NOP9: variants seen among roughly 807,000 people sequenced by gnomAD.
NOP9 encodes nucleolar protein 9.
Under a neutral mutation model 63.0 loss-of-function variants are expected in NOP9, and 50 were observed. That is an observed-to-expected ratio of 0.79 (90% CI 0.63 to 1.00). NOP9 has a LOEUF of 1.00. Ranked by LOEUF, NOP9 falls within the 50% of genes least tolerant of loss-of-function variation. The pLI is 0.00. For missense variants in NOP9, 758 were observed against 803.0 expected (o/e 0.94, Z 0.68); for synonymous variants, 343 against 332.8 (o/e 1.03, Z -0.33).
At chr14:24,292,557 C>T in the NOP9 span, 4 of 1,601,490 alleles carry the variant, frequency 2.5e-6, no homozygotes, top group South Asian at 2.2e-5. Context: ...GAGGAGCCAG[C>T]CTTACCATTC....
the NOP9 span, chr14:24,291,005 A>G: frequency 6.2e-7 from 1 of 1,613,970 alleles, no homozygotes; most frequent in Non-Finnish European, 8.5e-7. Context: ...CCTGGGAACA[A>G]CAGGAGGAGG....
the NOP9 span, chr14:24,291,296 G>A: frequency 9.5e-6 from 14 of 1,468,486 alleles, no homozygotes; most frequent in Non-Finnish European, 1.2e-5. Context: ...AGTTGGACAG[G>A]GCACTGCTGA....
chr14:24,273,145 C>G, the NOP9 span, among the ~76,000 whole-genome samples: 1 of 151,656 alleles, frequency 6.6e-6, no homozygotes, highest in Admixed American at 6.6e-5. Context: ...GTGTTTATAA[C>G]TCACACCTGG....
Position 24,305,609 on chromosome 14 carries a change from C to G in NOP9, c.*514C>G, listed in dbSNP as rs2041473580. The G allele has an allele frequency of 2.5e-6, 4 of 1,602,916 alleles. No individual in the cohort carries two copies. Among genetic ancestry groups the G allele is most frequent in the Admixed American group, 1.7e-5 (1 of 58,238 alleles). On this transcript the variant is annotated 3_prime_UTR_variant, in exon 10 of 10. Coordinates refer to ENST00000267425, the MANE Select transcript of NOP9 (RefSeq NM_174913.3). ...TTGCAGTGGGTCGGTTGGAATGATT[C>G]TGGGGGCAGAAGCTCAGAGCCCCTT...
Position 24,299,945 on chromosome 14 carries a change from C to T in NOP9, c.-10C>T. The T allele has an allele frequency of 6.6e-7, 1 of 1,526,606 alleles. No individual in the cohort carries two copies. The highest frequency in any genetic ancestry group is 8.8e-7 in the Non-Finnish European group (1 of 1,138,326). The allele number at this position is 1,526,606 out of a possible 1,614,324, so 94.6% of individuals were successfully genotyped here. On this transcript the variant is annotated 5_prime_UTR_variant, in exon 1 of 10. Transcript: ENST00000267425. ...GAAGCTTTTGCAGCCGGACAGGTCGCGAAGCACACATGGGGCAGGGTCCGC... is the reference window on the plus strand; with the variant it reads ...GAAGCTTTTGCAGCCGGACAGGTCGTGAAGCACACATGGGGCAGGGTCCGC...
At chr14:24,301,044 A>G (rs887619514) in intron 2 of NOP9, among the ~76,000 whole-genome samples, 187 bp downstream of exon 2, 5 of 152,104 alleles carry the variant, frequency 3.3e-5, no homozygotes, top group South Asian at 2.1e-4. Context: ...AGAGGTAGGG[A>G]TGTACAGTTG....
At chr14:24,298,751 C>T (rs2041308290), upstream of NOP9, 3 of 642,970 alleles carry the variant, frequency 4.7e-6, no homozygotes, top group South Asian at 4.6e-5. Context: ...GGCTCAAACA[C>T]AAAGTTTTTT....
At chr14:24,296,486 G>A, upstream of NOP9, 1 of 1,613,258 alleles carries the variant, frequency 6.2e-7, no homozygotes, top group Non-Finnish European at 8.5e-7. Context: ...AGGGAACATG[G>A]GTCCTGGCAG....
the NOP9 span, chr14:24,291,757 G>A: frequency 4.3e-6 from 4 of 921,766 alleles, no homozygotes; most frequent in Admixed American, 3.8e-5. Context: ...AGCAGGGCCT[G>A]TAGGACCCAA....
At chr14:24,300,228 C>T (rs769534157) in intron 1 of NOP9, 27 bp downstream of exon 1, 2 of 1,607,632 alleles carry the variant, frequency 1.2e-6, no homozygotes, top group Non-Finnish European at 1.7e-6. Context: ...GGGTTTAGAC[C>T]AAGAGCATCA....
rs2041575278 is a variant in NOP9, at chr14:24,308,046, G to A, written c.*2951G>A. On this transcript the variant is annotated 3_prime_UTR_variant, in exon 10 of 10. Transcript: ENST00000267425. ...GGGCAAAGTCCAAGGGGAGGGATGA[G>A]GGAGGGGCCAGATGGGGTCCTGGAG... The A allele has an allele frequency of 4.8e-6, 3 of 627,528 alleles. No individual in the cohort carries two copies. Among genetic ancestry groups the A allele is most frequent in the Non-Finnish European group, 8.7e-6 (3 of 345,888 alleles). The allele number at this position is 627,528 out of a possible 1,614,324, so 38.9% of individuals were successfully genotyped here. A position where few individuals can be genotyped will look rare whatever the true frequency, so the allele number is the denominator to read the frequency against.
At chr14:24,277,939 G>T in the NOP9 span, among the ~76,000 whole-genome samples, 1 of 152,166 alleles carries the variant, frequency 6.6e-6, no homozygotes, top group African/African-American at 2.4e-5. Context: ...GCACAAGTTG[G>T]GGTCAAGAAA....
At chr14:24,291,933 T>C in the NOP9 span, 1 of 608,222 alleles carries the variant, frequency 1.6e-6, no homozygotes, top group Non-Finnish European at 2.9e-6. Context: ...TCTTTGGAGC[T>C]AGACAGCCTT....
chr14:24,297,059 T>A (rs1478091414), upstream of NOP9, among the ~76,000 whole-genome samples: 1 of 152,240 alleles, frequency 6.6e-6, no homozygotes, highest in East Asian at 1.9e-4. Context: ...GTTTCAGGAA[T>A]GATAGGCCTC....
At chr14:24,283,399 G>A in the NOP9 span, among the ~76,000 whole-genome samples, 1 of 151,766 alleles carries the variant, frequency 6.6e-6, no homozygotes, top group Non-Finnish European at 1.5e-5. Context: ...GACCAGCTTG[G>A]GCAACATGCC....
chr14:24,297,075 C>G (rs1309696660), upstream of NOP9, among the ~76,000 whole-genome samples: 3 of 152,230 alleles, frequency 2.0e-5, no homozygotes, highest in Non-Finnish European at 4.4e-5. Context: ...GCCTCCCCAC[C>G]ACAGAGCAAG....
the NOP9 span, among the ~76,000 whole-genome samples, chr14:24,287,196 T>G: frequency 1.3e-5 from 2 of 152,178 alleles, no homozygotes; most frequent in African/African-American, 4.8e-5. Flanking sequence ...CGGTCCCCAC[T>G]CTGTGCTTTC....
rs920804901 is a variant in NOP9, at chr14:24,302,354, C to T, written c.1073C>T (p.Thr358Ile). 1.2e-6 allele frequency: 2 copies of T among 1,614,136 alleles called. No individual in the cohort carries two copies. The highest frequency in any genetic ancestry group is 2.2e-5 in the East Asian group (1 of 44,880). ...GAGCACTTGCAGGGGCAGCTGCAGA[C>T]CCTGGCTGCACATCCCATTGCCAAC... The part of the protein sequence containing the change: ...FEEHLQGQLQ[T>I]LAAHPIANFP... Residue 358 changes from threonine to isoleucine, a missense_variant, in exon 5 of 10, where the codon ACC (threonine) becomes ATC (isoleucine). By Grantham distance (89) the Thr-to-Ile change is moderately conservative. Coordinates refer to ENST00000267425, the MANE Select transcript of NOP9 (RefSeq NM_174913.3).
At chr14:24,274,367 G>A in the NOP9 span, among the ~76,000 whole-genome samples, 356 of 152,298 alleles carry the variant, frequency 2.3e-3, no homozygotes, top group African/African-American at 8.2e-3. Context: ...CAGGGCTTGA[G>A]TTTTGGAAAG....
Sources: gnomAD v4.1 joint callset for allele counts (sites outside exome capture counted in the v4.1 genomes callset) on GRCh38, gnomAD v4.1.1 for gene constraint, MANE v1.5 for transcripts, NCBI Gene and HGNC (gene_info 2026-07-23, HGNC 2026-07-21) for gene names.